The following ICE2 variants were observed in gnomAD, a reference collection of about 807,000 sequenced individuals.
The protein encoded by ICE2 is little elongation complex subunit 2.
In ICE2, 87 loss-of-function variants were observed where a neutral mutation model predicts 105.4. The ratio of observed to expected loss-of-function variants is 0.83; its 90% CI spans 0.69 to 0.99. The LOEUF (loss-of-function observed/expected upper bound fraction) is 0.99, where lower values mean the gene tolerates loss of function less well. ICE2 is among the 50% of genes least tolerant of loss of function. The probability of loss-of-function intolerance (pLI) is 0.00; values close to 1 mark genes in which losing one functional copy is unlikely to be tolerated. For missense variants in ICE2, 1,323 were observed against 1,146.7 expected (o/e 1.15, Z -2.22); for synonymous variants, 399 against 392.0 (o/e 1.02, Z -0.21).
chr15:60,432,966 A>T (rs1177385935), intron 13 of ICE2, among the ~76,000 whole-genome samples: 1 of 152,182 alleles, frequency 6.6e-6, no homozygotes, highest in Non-Finnish European at 1.5e-5. Flanking sequence ...TATGCCGAAG[A>T]GTTTGTCTTT....
chr15:60,474,680 C>CT (rs2064705919), intron 3 of ICE2, among the ~76,000 whole-genome samples: 1 of 152,136 alleles, frequency 6.6e-6, no homozygotes, highest in South Asian at 2.1e-4. Context: ...TGTCTTACAG[C>CT]TTTTTTGTTC....
At position 60,422,610 on chromosome 15, in the gene ICE2, G is replaced by A. The variant is rs1421997215; in HGVS notation, c.*1024C>T. The A allele has an allele frequency of 6.6e-6, 1 of 152,286 alleles. No homozygotes were observed. The highest frequency in any genetic ancestry group is 1.5e-5 in the Non-Finnish European group (1 of 68,212). The allele number at this position is 152,286 out of a possible 1,614,324, so 9.4% of individuals were successfully genotyped here. On this transcript the variant is annotated 3_prime_UTR_variant, in exon 16 of 16. Coordinates refer to ENST00000261520, the MANE Select transcript of ICE2 (RefSeq NM_024611.6). ...CCAGCACTTTGGGAGGCCAAGGCAGGCGGATCACAAGGTCAGGAGTTTGAG... is the reference window on the plus strand; with the variant it reads ...CCAGCACTTTGGGAGGCCAAGGCAGACGGATCACAAGGTCAGGAGTTTGAG...
At chr15:60,445,733 T>C (rs2063808129) in intron 11 of ICE2, 1 of 985,174 alleles carries the variant, frequency 1.0e-6, no homozygotes, top group African/African-American at 1.7e-5. Context: ...ATCCAAAATT[T>C]CCCTAGGCTA....
In ICE2 at chr15:60,420,504, CT is replaced by C; in HGVS notation, c.*3129del. On this transcript the variant is annotated 3_prime_UTR_variant, in exon 16 of 16. Coordinates refer to ENST00000261520, the MANE Select transcript of ICE2 (RefSeq NM_024611.6). The stretch of plus-strand genomic sequence containing the variant: ...TATCTGATCATGTCAGTTAATTAAC[CT>C]TCACTACTGGTTCCCACATTGCACA... 6.6e-6 allele frequency: 1 copy of C among 152,336 alleles called. No homozygotes were observed. The highest frequency in any genetic ancestry group is 3.4e-3 in the Middle Eastern group (1 of 294). 9.4% of individuals were successfully genotyped at this position (152,336 alleles called of 1,614,324 possible).
intron 3 of ICE2, among the ~76,000 whole-genome samples, chr15:60,471,098 C>T (rs1247275002): frequency 6.6e-6 from 1 of 151,848 alleles, no homozygotes; most frequent in Admixed American, 6.6e-5. Flanking sequence ...TGTAGGTCCC[C>T]AAATAAAGCA....
chr15:60,445,470 A>G (rs1174080771), intron 11 of ICE2: 6 of 635,338 alleles, frequency 9.4e-6, no homozygotes, highest in Non-Finnish European at 7.8e-6. Flanking sequence ...GATTTAAACC[A>G]TAAACTACTA....
chr15:60,451,084 T>C (rs550408949), intron 9 of ICE2: 223 of 717,858 alleles, frequency 3.1e-4, no homozygotes, highest in Admixed American at 8.2e-4. Context: ...AGAAAATCCA[T>C]GATAAACAGA....
intron 14 of ICE2, among the ~76,000 whole-genome samples, chr15:60,431,110 G>C (rs143376330): frequency 3.2e-3 from 481 of 152,058 alleles, no homozygotes; most frequent in Non-Finnish European, 5.2e-3. Context: ...CTGACCTCAT[G>C]ATCCGCCTAC....
At chr15:60,425,395 A>G (rs982016349) in intron 15 of ICE2, among the ~76,000 whole-genome samples, 1 of 152,234 alleles carries the variant, frequency 6.6e-6, no homozygotes, top group Non-Finnish European at 1.5e-5. Context: ...AAGCATTTTG[A>G]AAACCTCCAC....
In ICE2 at chr15:60,479,128, G is replaced by A. The variant is rs1382295626; in HGVS notation, c.-218C>T. 4.9e-6 allele frequency: 2 copies of A among 412,316 alleles called. No individual in the cohort carries two copies. Among genetic ancestry groups the A allele is most frequent in the African/African-American group, 4.1e-5 (2 of 48,930 alleles). The allele number at this position is 412,316 out of a possible 1,614,324, so 25.5% of individuals were successfully genotyped here. On this transcript the variant is annotated 5_prime_UTR_variant, in exon 1 of 16. Transcript: ENST00000261520. ...TAAAGGATGTGGCCGCGCCGACTCGGCCCTGCGTGATGACGTCTCAGCGAC... is the reference window on the plus strand; with the variant it reads ...TAAAGGATGTGGCCGCGCCGACTCGACCCTGCGTGATGACGTCTCAGCGAC...
chr15:60,442,335 T>A, intron 12 of ICE2, 81 bp downstream of exon 12: 2 of 1,281,028 alleles, frequency 1.6e-6, no homozygotes, highest in Non-Finnish European at 2.2e-6. Flanking sequence ...AAGGGCAGAA[T>A]AGAAGTATTC....
chr15:60,429,551 T>C (rs935779605), intron 14 of ICE2, among the ~76,000 whole-genome samples: 1 of 152,226 alleles, frequency 6.6e-6, no homozygotes, highest in Admixed American at 6.5e-5. Context: ...TGAATAAATA[T>C]ATTGTGCTTT....
rs188654464 is a variant in ICE2 at position 60,425,620 on chromosome 15, C to A, written c.2821-1858G>T. On this transcript the variant is annotated intron_variant, in intron 15 of 15. Transcript: ENST00000261520. ...CTGGCATATCTCTCAGGGTTAGTAC[C>A]AAAGGCACTATACAAGGATGAGATC... is the stretch of plus-strand genomic sequence containing the variant. Among the ~76,000 whole-genome samples the A allele has an allele frequency of 1.3e-5, 2 of 152,102 alleles. 1 individual carries two copies. Among genetic ancestry groups the A allele is most frequent in the Non-Finnish European group, 2.9e-5 (2 of 68,020 alleles).
intron 3 of ICE2, among the ~76,000 whole-genome samples, chr15:60,471,699 A>G (rs2064599629): frequency 6.6e-6 from 1 of 152,120 alleles, no homozygotes; most frequent in Admixed American, 6.6e-5. Flanking sequence ...CGTATACAGC[A>G]TTATATTTTA....
intron 15 of ICE2, among the ~76,000 whole-genome samples, chr15:60,426,026 C>T (rs2063331857): frequency 6.6e-6 from 1 of 152,188 alleles, no homozygotes. Context: ...CTACAACAAC[C>T]TGGGCCTGGA....
chr15:60,452,020 G>C, intron 9 of ICE2: 2 of 854,012 alleles, frequency 2.3e-6, no homozygotes, highest in Non-Finnish European at 2.8e-6. Context: ...ATAAAAGGAG[G>C]GTCCAAATTA....
Position 60,469,455 on chromosome 15 carries a change from A to G in ICE2, c.147-1133T>C, listed in dbSNP as rs115354562. On this transcript the variant is annotated intron_variant, in intron 3 of 15. Coordinates refer to ENST00000261520, the MANE Select transcript of ICE2 (RefSeq NM_024611.6). Reference sequence around the variant, plus strand: ...CATGCACCCTGGAACTTAAAAAAAAACAAAAAACAAAAAACACAAAACCCC... The same window carrying G: ...CATGCACCCTGGAACTTAAAAAAAAGCAAAAAACAAAAAACACAAAACCCC... Among the ~76,000 whole-genome samples, 760 of 152,262 alleles carry G rather than the reference A, an allele frequency of 5.0e-3. 7 individuals are homozygous for G. The highest frequency in any genetic ancestry group is 0.018 in the African/African-American group (735 of 41,534).
intron 6 of ICE2, 139 bp downstream of exon 6, chr15:60,456,518 G>A (rs1262469784): frequency 1.5e-4 from 22 of 146,376 alleles, no homozygotes; most frequent in Admixed American, 7.3e-4. Flanking sequence ...CACGCCAGGC[G>A]ACGAGAGAGA....
chr15:60,452,382 G>A, intron 9 of ICE2: 1 of 476,964 alleles, frequency 2.1e-6, no homozygotes, highest in African/African-American at 2.1e-5. Flanking sequence ...CCTATCCTCA[G>A]AAAAACCTTC....
Sources: gnomAD v4.1 joint callset for allele counts (sites outside exome capture counted in the v4.1 genomes callset) on GRCh38, gnomAD v4.1.1 for gene constraint, MANE v1.5 for transcripts, NCBI Gene and HGNC (gene_info 2026-07-23, HGNC 2026-07-21) for gene names.